DCC: variants seen among roughly 807,000 people sequenced by gnomAD.
DCC encodes the protein DCC netrin 1 receptor.
DCC carries 58 observed loss-of-function variants against 172.5 expected under a neutral mutation model. The ratio of observed to expected loss-of-function variants is 0.34; its 90% CI spans 0.27 to 0.42. The LOEUF (loss-of-function observed/expected upper bound fraction) is 0.42. DCC is among the 10% of genes least tolerant of loss of function. The pLI is 1.00. For missense variants in DCC, 1,740 were observed against 1,791.0 expected (o/e 0.97, Z 0.51); for synonymous variants, 709 against 644.5 (o/e 1.10, Z -1.52).
At chr18:53,091,989 G>A (rs7233997) in intron 7 of DCC, among the ~76,000 whole-genome samples, 43,435 of 151,614 alleles carry the variant, frequency 0.29, 8,192 homozygotes, top group African/African-American at 0.54. Context: ...TTCTCATCTT[G>A]GCCTTTGAGA....
At chr18:53,018,457 C>A (rs1206702814) in intron 5 of DCC, among the ~76,000 whole-genome samples, 1 of 152,148 alleles carries the variant, frequency 6.6e-6, no homozygotes, top group Non-Finnish European at 1.5e-5. Flanking sequence ...ATATTCCATT[C>A]TCTTTATCAG....
At chr18:53,025,026 A>C (rs917509387) in intron 5 of DCC, among the ~76,000 whole-genome samples, 1 of 152,152 alleles carries the variant, frequency 6.6e-6, no homozygotes, top group Non-Finnish European at 1.5e-5. Flanking sequence ...ATTAAAAGTT[A>C]AAATATAATG....
intron 2 of DCC, among the ~76,000 whole-genome samples, chr18:52,837,457 A>T (rs189560871): frequency 6.6e-6 from 1 of 152,290 alleles, no homozygotes; most frequent in Admixed American, 6.5e-5. Context: ...TCTCAAGTTC[A>T]AAACTCCACA....
intron 21 of DCC, among the ~76,000 whole-genome samples, chr18:53,419,402 T>G (rs1910504169): frequency 6.6e-6 from 1 of 152,106 alleles, no homozygotes; most frequent in African/African-American, 2.4e-5. Context: ...AACTATATTT[T>G]TATACCCATT....
In DCC at chr18:53,515,097, C is replaced by T. The variant is rs1468819381; in HGVS notation, c.4112-11520C>T. Among the ~76,000 whole-genome samples, 4 of 151,756 alleles carry T rather than the reference C, an allele frequency of 2.6e-5. 1 individual carries two copies. In the South Asian group the frequency reaches 8.3e-4, roughly 32 times the overall value. On this transcript the variant is annotated intron_variant, in intron 27 of 28. Transcript: ENST00000442544. Reference sequence around the variant, plus strand: ...CCAGCAGCACATCAAAAAGCTTATCCACCATGATCAAGTGGGCTTCATCCC... The same window carrying T: ...CCAGCAGCACATCAAAAAGCTTATCTACCATGATCAAGTGGGCTTCATCCC...
chr18:52,826,632 C>A (rs538384852), intron 2 of DCC, among the ~76,000 whole-genome samples: 1 of 152,212 alleles, frequency 6.6e-6, no homozygotes. Flanking sequence ...GCGTGAGCCA[C>A]CACACTCAGC....
intron 5 of DCC, among the ~76,000 whole-genome samples, chr18:52,954,429 T>C (rs1266066722): frequency 6.6e-6 from 1 of 152,196 alleles, no homozygotes; most frequent in Non-Finnish European, 1.5e-5. Context: ...GTCTGACTTA[T>C]TTTATTCTGC....
chr18:52,950,483 CAA>C (rs1160197968), intron 5 of DCC, among the ~76,000 whole-genome samples: 2 of 152,154 alleles, frequency 1.3e-5, no homozygotes, highest in Non-Finnish European at 2.9e-5. Context: ...TTCCTTTGGA[CAA>C]GAGAGATATA....
intron 27 of DCC, among the ~76,000 whole-genome samples, chr18:53,505,931 A>G (rs759890573): frequency 6.6e-6 from 1 of 152,218 alleles, no homozygotes; most frequent in Non-Finnish European, 1.5e-5. Context: ...GTTTTGAAAT[A>G]TTTTGAAAAT....
At chr18:52,567,824 A>G (rs2033195870) in intron 1 of DCC, among the ~76,000 whole-genome samples, 1 of 152,158 alleles carries the variant, frequency 6.6e-6, no homozygotes, top group African/African-American at 2.4e-5. Flanking sequence ...GAGCTTAAAA[A>G]AAAACAGAGA....
intron 1 of DCC, among the ~76,000 whole-genome samples, chr18:52,690,442 T>C (rs1391326500): frequency 6.6e-6 from 1 of 152,168 alleles, no homozygotes; most frequent in African/African-American, 2.4e-5. Flanking sequence ...GGTTTGGGTA[T>C]CCTGCATTAA....
chr18:52,726,083 A>G (rs561992749), intron 1 of DCC, among the ~76,000 whole-genome samples: 21 of 152,344 alleles, frequency 1.4e-4, no homozygotes, highest in East Asian at 1.4e-3. Context: ...ATTTTGACCA[A>G]TATTGACCAT....
chr18:52,403,335 C>G (rs1005437215), intron 1 of DCC, among the ~76,000 whole-genome samples: 1 of 151,996 alleles, frequency 6.6e-6, no homozygotes, highest in African/African-American at 2.4e-5. Context: ...GAAAGCTGAA[C>G]AGCCCTTGAT....
At chr18:52,865,156 C>T (rs2039203463) in intron 2 of DCC, among the ~76,000 whole-genome samples, 4 of 152,098 alleles carry the variant, frequency 2.6e-5, no homozygotes, top group African/African-American at 9.7e-5. Flanking sequence ...TGAGCCACCA[C>T]ACCCGCCTGA....
chr18:53,401,577 C>G (rs187199589), intron 18 of DCC, among the ~76,000 whole-genome samples: 1 of 137,598 alleles, frequency 7.3e-6, no homozygotes, highest in African/African-American at 2.5e-5. Flanking sequence ...AACAGAAGTA[C>G]GAAAGAGAAT....
intron 14 of DCC, 127 bp downstream of exon 14, chr18:53,322,284 A>C (rs992089223): frequency 1.4e-6 from 1 of 696,106 alleles, no homozygotes; most frequent in Non-Finnish European, 2.6e-6. Context: ...TTCACATGCA[A>C]AACACAACAG....
At chr18:52,604,020 A>C (rs1330476545) in intron 1 of DCC, among the ~76,000 whole-genome samples, 1 of 124,842 alleles carries the variant, frequency 8.0e-6, no homozygotes, top group Non-Finnish European at 1.8e-5. Flanking sequence ...GAATGTGTGA[A>C]AGGTTATTTT....
intron 1 of DCC, among the ~76,000 whole-genome samples, chr18:52,603,552 A>G (rs1333010676): frequency 2.0e-5 from 3 of 151,822 alleles, no homozygotes; most frequent in Non-Finnish European, 2.9e-5. Context: ...ATTTTTTAAA[A>G]AAATAAACGT....
chr18:53,235,318 G>A (rs769526756), intron 12 of DCC, among the ~76,000 whole-genome samples: 1 of 152,200 alleles, frequency 6.6e-6, no homozygotes, highest in Non-Finnish European at 1.5e-5. Context: ...TTATTTCCAT[G>A]GAAGCCTGTC....
Sources: gnomAD v4.1 joint callset for allele counts (sites outside exome capture counted in the v4.1 genomes callset) on GRCh38, gnomAD v4.1.1 for gene constraint, MANE v1.5 for transcripts, NCBI Gene and HGNC (gene_info 2026-07-23, HGNC 2026-07-21) for gene names.